PTGFRN: variants seen among roughly 807,000 people sequenced by gnomAD.
PTGFRN encodes prostaglandin F2 receptor inhibitor, also known as prostaglandin F2 receptor negative regulator.
In PTGFRN, 35 loss-of-function variants were observed where a neutral mutation model predicts 83.2. The observed-to-expected ratio is 0.42, with a 90% CI of 0.32 to 0.56. PTGFRN has a LOEUF of 0.56. Among genes scored for constraint, PTGFRN ranks in the 20% least tolerant of loss-of-function variants. The pLI is 0.11. For synonymous variants in PTGFRN, 519 were observed against 498.6 expected, an observed-to-expected ratio of 1.04 and a Z score of -0.55; for missense variants, 1,051 against 1,179.5, an observed-to-expected ratio of 0.89 and a Z score of 1.60.
At chr1:116,946,932 G>A (rs1650215879) in intron 3 of PTGFRN, among the ~76,000 whole-genome samples, 1 of 152,202 alleles carries the variant, frequency 6.6e-6, no homozygotes, top group Non-Finnish European at 1.5e-5. Context: ...CAGGATATCT[G>A]CAGCAACTGT....
chr1:116,958,558 G>A lies in PTGFRN; in HGVS notation c.1214-2685G>A, dbSNP rs868774709. On this transcript the variant is annotated intron_variant, in intron 4 of 8. Coordinates refer to ENST00000393203, the MANE Select transcript of PTGFRN (RefSeq NM_020440.4). The surrounding 1 kb of genome is among the most constrained non-coding windows in gnomAD (Gnocchi z 4.9). ...GAATAATGATCACAAATATATACACGTGTATGTGTATATGAATATGTGTGT... is the reference window on the plus strand; with the variant it reads ...GAATAATGATCACAAATATATACACATGTATGTGTATATGAATATGTGTGT... Among the ~76,000 whole-genome samples, 4 of 152,030 alleles carry A rather than the reference G, an allele frequency of 2.6e-5. No individual in the cohort carries two copies. Among genetic ancestry groups the A allele is most frequent in the South Asian group, 2.1e-4 (1 of 4,822 alleles).
At chr1:116,965,623 TC>T (rs34687952) in intron 5 of PTGFRN, among the ~76,000 whole-genome samples, 30,725 of 152,134 alleles carry the variant, frequency 0.2, 4,001 homozygotes, top group Admixed American at 0.36. Context: ...AGTGAGGATG[TC>T]CCTGATCACT....
In PTGFRN at chr1:116,909,937, G is replaced by A; in HGVS notation, c.-267G>A. On this transcript the variant is annotated 5_prime_UTR_variant, in exon 1 of 9. Coordinates refer to ENST00000393203, the MANE Select transcript of PTGFRN (RefSeq NM_020440.4). ...TCTTCCCTTCTGCTTTCGGGAAGCG[G>A]TCGGGGCTGCACACTCGGATCGGCG... 5 of 509,796 alleles carry A rather than the reference G, an allele frequency of 9.8e-6. No homozygotes were observed. The highest frequency in any genetic ancestry group is 1.7e-5 in the Non-Finnish European group (5 of 288,756). 31.6% of individuals were successfully genotyped at this position (509,796 alleles called of 1,614,324 possible). A position where few individuals can be genotyped will look rare whatever the true frequency, so the allele number is the denominator to read the frequency against.
intron 5 of PTGFRN, among the ~76,000 whole-genome samples, chr1:116,965,626 C>G (rs1160768894): frequency 1.3e-5 from 2 of 151,380 alleles, no homozygotes; most frequent in East Asian, 3.9e-4. Flanking sequence ...GAGGATGTCC[C>G]TGATCACTCT....
intron 5 of PTGFRN, among the ~76,000 whole-genome samples, chr1:116,962,001 C>T (rs929312617): frequency 5.3e-5 from 8 of 152,190 alleles, no homozygotes; most frequent in South Asian, 4.1e-4. Context: ...ACCGTTACCT[C>T]TCTGAGGACA....
rs1650045168 is a variant in PTGFRN, at chr1:116,941,013, C to T, written c.50-702C>T. Reference sequence around the variant, plus strand: ...CTTGCCTGTGTCCACTGGGCTTATACCCGGCAACCAGCTGCTGCATTCCTA... The same window carrying T: ...CTTGCCTGTGTCCACTGGGCTTATATCCGGCAACCAGCTGCTGCATTCCTA... On this transcript the variant is annotated intron_variant, in intron 1 of 8. Coordinates refer to ENST00000393203, the MANE Select transcript of PTGFRN (RefSeq NM_020440.4). The surrounding 1 kb of genome is among the most constrained non-coding windows in gnomAD (Gnocchi z 5.0). Among the ~76,000 whole-genome samples, 1 of 152,180 alleles carries T rather than the reference C, an allele frequency of 6.6e-6. No homozygotes were observed. The highest frequency in any genetic ancestry group is 2.4e-5 in the African/African-American group (1 of 41,434).
intron 4 of PTGFRN, among the ~76,000 whole-genome samples, chr1:116,950,294 T>C (rs934335904): frequency 1.3e-5 from 2 of 152,228 alleles, no homozygotes; most frequent in African/African-American, 4.8e-5. Context: ...AAATGTACAC[T>C]AACTTTTCCT....
At chr1:116,966,807 C>A in intron 5 of PTGFRN, 104 bp from the exon 6 acceptor site, 1 of 1,266,290 alleles carries the variant, frequency 7.9e-7, no homozygotes, top group Non-Finnish European at 1.1e-6. Flanking sequence ...TTTTGTGTGG[C>A]AATTTGCAAA....
rs1453889878 is a variant in PTGFRN, at chr1:116,918,400, A to C, written c.49+8148A>C. Among the ~76,000 whole-genome samples, 2 of 152,222 alleles carry C rather than the reference A, an allele frequency of 1.3e-5. No homozygotes were observed. The highest frequency in any genetic ancestry group is 2.9e-5 in the Non-Finnish European group (2 of 68,036). ...ATATATTTAGAAGAATGCAAACATT[A>C]GTGTATGTAAGTTCCTAGAACTCTG... On this transcript the variant is annotated intron_variant, in intron 1 of 8. Transcript: ENST00000393203. The surrounding 1 kb of genome is among the most constrained non-coding windows in gnomAD (Gnocchi z 4.1).
intron 1 of PTGFRN, among the ~76,000 whole-genome samples, chr1:116,940,882 CA>C: frequency 6.6e-6 from 1 of 152,202 alleles, no homozygotes. Flanking sequence ...TGCTGAAGTT[CA>C]TTGCAATGAA....
At chr1:116,940,970 A>AG (rs895379414) in intron 1 of PTGFRN, among the ~76,000 whole-genome samples, 10 of 152,190 alleles carry the variant, frequency 6.6e-5, no homozygotes, top group African/African-American at 2.4e-4. Context: ...CTCTTAGGGA[A>AG]GGGAAAACCA....
At position 116,958,965 on chromosome 1, in the gene PTGFRN, A is replaced by G. The variant is rs945734933; in HGVS notation, c.1214-2278A>G. Among the ~76,000 whole-genome samples the G allele has an allele frequency of 6.6e-6, 1 of 152,338 alleles. No individual in the cohort carries two copies. The highest frequency in any genetic ancestry group is 2.1e-4 in the South Asian group (1 of 4,828). ...TGCTGCCTACAGATAGTTGATGCTC[A>G]GTGTTCTGGGGCAGTCTTACCCTAT... On this transcript the variant is annotated intron_variant, in intron 4 of 8. Coordinates refer to ENST00000393203, the MANE Select transcript of PTGFRN (RefSeq NM_020440.4). The surrounding 1 kb of genome is among the most constrained non-coding windows in gnomAD (Gnocchi z 4.9).
At chr1:116,911,910 C>A (rs931371346) in intron 1 of PTGFRN, among the ~76,000 whole-genome samples, 1 of 152,202 alleles carries the variant, frequency 6.6e-6, no homozygotes, top group Non-Finnish European at 1.5e-5. Flanking sequence ...CTTTATGTGT[C>A]TGGGTCAAGC....
chr1:116,957,031 T>C (rs1650517681), intron 4 of PTGFRN, among the ~76,000 whole-genome samples: 1 of 151,200 alleles, frequency 6.6e-6, no homozygotes, highest in Non-Finnish European at 1.5e-5. Context: ...TGAGAATGAG[T>C]GGCGGGAATG....
In PTGFRN at chr1:116,987,953, A is replaced by G. The variant is rs1651556475; in HGVS notation, c.*986A>G. ...AAGTTAGGCTAAAGAAGCCACCACT[A>G]TTCCTCTCTCTTGCCCATTGTGGGG... On this transcript the variant is annotated 3_prime_UTR_variant, in exon 9 of 9. Transcript: ENST00000393203. 1 of 152,176 alleles carries G rather than the reference A, an allele frequency of 6.6e-6. No individual in the cohort carries two copies. Among genetic ancestry groups the G allele is most frequent in the South Asian group, 2.1e-4 (1 of 4,826 alleles). The allele number at this position is 152,176 out of a possible 1,614,324, so 9.4% of individuals were successfully genotyped here. A position where few individuals can be genotyped will look rare whatever the true frequency, so the allele number is the denominator to read the frequency against.
Position 116,984,852 on chromosome 1 carries a change from G to T in PTGFRN, c.2340G>T (p.Val780=), listed in dbSNP as rs1192347381. 2 of 1,614,156 alleles carry T rather than the reference G, an allele frequency of 1.2e-6. No homozygotes were observed. The highest frequency in any genetic ancestry group is 4.5e-5 in the East Asian group (2 of 44,870). The stretch of plus-strand genomic sequence containing the variant: ...GTGTGCTGGAATTCTTGCTGCAAGT[G>T]CATGGCTCCGAGGACCAGGACTTTG... ...RVSVLEFLLQ[V]HGSEDQDFGN... The change falls in exon 8 of 9, where the codon GTG becomes GTT. Residue 780 remains valine (V), a synonymous_variant. Transcript: ENST00000393203.
At chr1:116,953,740 G>A (rs1398408538) in intron 4 of PTGFRN, among the ~76,000 whole-genome samples, 1 of 151,904 alleles carries the variant, frequency 6.6e-6, no homozygotes, top group African/African-American at 2.4e-5. Context: ...CTAGAGAAAG[G>A]GGTTGAGCTG....
chr1:116,987,058 C>CT lies in PTGFRN; in HGVS notation c.*92dup. ...ATATTTTAAAACAAAGTGTGTTACA[C>CT]TAAAAACCAGTCCTCTCTAATCTCA... On this transcript the variant is annotated 3_prime_UTR_variant, in exon 9 of 9. Coordinates refer to ENST00000393203, the MANE Select transcript of PTGFRN (RefSeq NM_020440.4). The CT allele has an allele frequency of 3.4e-6, 5 of 1,481,940 alleles. No homozygotes were observed. The highest frequency in any genetic ancestry group is 4.6e-6 in the Non-Finnish European group (5 of 1,085,156). 91.8% of individuals were successfully genotyped at this position (1,481,940 alleles called of 1,614,324 possible). A position where few individuals can be genotyped will look rare whatever the true frequency, so the allele number is the denominator to read the frequency against.
chr1:116,928,443 G>A (rs1001388932), intron 1 of PTGFRN, among the ~76,000 whole-genome samples: 3 of 152,076 alleles, frequency 2.0e-5, no homozygotes, highest in African/African-American at 7.2e-5. Flanking sequence ...CTGGTGGTCA[G>A]CATTTCAGCA....
Sources: allele counts gnomAD v4.1 joint callset (sites outside exome capture counted in the v4.1 genomes callset), GRCh38; gene constraint gnomAD v4.1.1; non-coding constraint Gnocchi (gnomAD v3.1); transcripts MANE v1.5; gene names NCBI Gene and HGNC (gene_info 2026-07-23, HGNC 2026-07-21).